PDZRN4: variants seen among roughly 807,000 people sequenced by gnomAD.
PDZRN4 encodes the protein PDZ domain containing ring finger 4, also known as PDZ domain-containing RING finger protein 4.
A neutral mutation model predicts 99.0 loss-of-function variants in PDZRN4; 70 were observed. The observed-to-expected ratio is 0.71, with a 90% CI of 0.58 to 0.86. The LOEUF is 0.86. Ranked by LOEUF, PDZRN4 falls within the 40% of genes least tolerant of loss-of-function variation. The pLI, the probability that PDZRN4 is intolerant of heterozygous loss-of-function variation, is 0.00. For synonymous variants in PDZRN4, 551 were observed against 501.6 expected (o/e 1.10, Z -1.32); for missense variants, 1,474 against 1,331.2 (o/e 1.11, Z -1.67).
At position 41,381,814 on chromosome 12, in the gene PDZRN4, G is replaced by A. The variant is rs147505717; in HGVS notation, c.844-124642G>A. On this transcript the variant is annotated intron_variant, in intron 3 of 9. Coordinates refer to ENST00000402685, the MANE Select transcript of PDZRN4 (RefSeq NM_001164595.2). The stretch of plus-strand genomic sequence containing the variant: ...TTCCTTGATCCCTGCATTGGTATGC[G>A]TACATTTGAGGAAATGGCCACCTCT... Among the ~76,000 whole-genome samples the A allele has an allele frequency of 1.9e-3, 283 of 152,146 alleles. 4 individuals are homozygous for A. The highest frequency in any genetic ancestry group is 5.7e-4 in the Non-Finnish European group (39 of 68,004).
chr12:41,246,088 G>A (rs547521295), intron 3 of PDZRN4, among the ~76,000 whole-genome samples: 3 of 152,260 alleles, frequency 2.0e-5, no homozygotes, highest in East Asian at 1.9e-4. Context: ...GGGTAGACAG[G>A]AGACATGTTC....
At chr12:41,302,431 T>G (rs1951542325) in intron 3 of PDZRN4, among the ~76,000 whole-genome samples, 1 of 152,126 alleles carries the variant, frequency 6.6e-6, no homozygotes, top group Non-Finnish European at 1.5e-5. Flanking sequence ...GTTTTTAAAA[T>G]ACAACATCAA....
intron 3 of PDZRN4, among the ~76,000 whole-genome samples, chr12:41,424,180 G>C (rs1952515010): frequency 6.6e-6 from 1 of 152,126 alleles, no homozygotes; most frequent in Non-Finnish European, 1.5e-5. Context: ...TGCAATATTT[G>C]TTTGCTATGC....
chr12:41,369,858 T>C (rs1364969035), intron 3 of PDZRN4, among the ~76,000 whole-genome samples: 2 of 151,912 alleles, frequency 1.3e-5, no homozygotes, highest in Admixed American at 6.6e-5. Context: ...ACCCCATCAA[T>C]TCTTCTATAC....
At chr12:41,251,439 C>T (rs890959543) in intron 3 of PDZRN4, among the ~76,000 whole-genome samples, 5 of 152,092 alleles carry the variant, frequency 3.3e-5, no homozygotes, top group African/African-American at 1.2e-4. Context: ...TCAATGATTT[C>T]ACCATTCTTC....
At chr12:41,432,975 A>G (rs112119629) in intron 3 of PDZRN4, among the ~76,000 whole-genome samples, 2 of 152,210 alleles carry the variant, frequency 1.3e-5, no homozygotes, top group South Asian at 2.1e-4. Context: ...GCCAAAACCA[A>G]CAAAGTCCCA....
At chr12:41,430,062 C>T (rs1952573651) in intron 3 of PDZRN4, among the ~76,000 whole-genome samples, 1 of 152,086 alleles carries the variant, frequency 6.6e-6, no homozygotes, top group Admixed American at 6.5e-5. Context: ...CGTGACTAGA[C>T]CAAAAGAAAT....
At chr12:41,388,205 A>G (rs1270713084) in intron 3 of PDZRN4, among the ~76,000 whole-genome samples, 2 of 152,104 alleles carry the variant, frequency 1.3e-5, no homozygotes, top group Non-Finnish European at 2.9e-5. Context: ...TGATGAGACC[A>G]CATGGATCAA....
At chr12:41,216,182 C>T (rs1591971589) in intron 3 of PDZRN4, among the ~76,000 whole-genome samples, 1 of 151,932 alleles carries the variant, frequency 6.6e-6, no homozygotes, top group African/African-American at 2.4e-5. Context: ...ACAACGAGTA[C>T]ATTCAAAGTA....
chr12:41,418,258 T>C (rs774437136), intron 3 of PDZRN4, among the ~76,000 whole-genome samples: 1 of 152,192 alleles, frequency 6.6e-6, no homozygotes, highest in Non-Finnish European at 1.5e-5. Context: ...TTGGAAACAT[T>C]GTTTTCATTC....
intron 7 of PDZRN4, among the ~76,000 whole-genome samples, chr12:41,557,710 G>A (rs1939193227): frequency 6.6e-6 from 1 of 151,412 alleles, no homozygotes; most frequent in South Asian, 2.1e-4. Context: ...TGGACCTTCT[G>A]TTAAGGCTCC....
At chr12:41,554,712 G>A (rs1389786887) in intron 6 of PDZRN4, among the ~76,000 whole-genome samples, 3 of 151,966 alleles carry the variant, frequency 2.0e-5, no homozygotes, top group African/African-American at 4.8e-5. Context: ...TCCTAATACA[G>A]CCTTAAATAT....
chr12:41,525,109 G>C (rs1009343755), intron 5 of PDZRN4, among the ~76,000 whole-genome samples: 3 of 152,082 alleles, frequency 2.0e-5, no homozygotes, highest in Non-Finnish European at 2.9e-5. Context: ...AGGGCACATT[G>C]GGTTTCAGAG....
chr12:41,452,297 G>T (rs931021978), intron 3 of PDZRN4, among the ~76,000 whole-genome samples: 1 of 151,416 alleles, frequency 6.6e-6, no homozygotes. Context: ...AAATTAGCCA[G>T]TCGTGGTGGC....
At chr12:41,230,687 T>A (rs2120752827) in intron 3 of PDZRN4, among the ~76,000 whole-genome samples, 1 of 152,272 alleles carries the variant, frequency 6.6e-6, no homozygotes, top group South Asian at 2.1e-4. Flanking sequence ...ATTTCATCTA[T>A]ATCACTGCAC....
At chr12:41,502,246 C>T (rs2120662203) in intron 3 of PDZRN4, among the ~76,000 whole-genome samples, 2 of 152,172 alleles carry the variant, frequency 1.3e-5, no homozygotes, top group South Asian at 4.2e-4. Flanking sequence ...CACTAGTTGC[C>T]CGGTTACAAT....
At chr12:41,418,850 G>C (rs972746956) in intron 3 of PDZRN4, among the ~76,000 whole-genome samples, 1 of 152,090 alleles carries the variant, frequency 6.6e-6, no homozygotes, top group East Asian at 1.9e-4. Context: ...GTGTCAGCTG[G>C]GGGGTAACTG....
chr12:41,573,100 G>C lies in PDZRN4; in HGVS notation c.2321G>C (p.Ser774Thr), dbSNP rs1345567751. Reference sequence around the variant, plus strand: ...CTCACCAATAAGAAAAACCTGAGAAGCACAATGGCAGCCACCCAGTCCTCT... The same window carrying C: ...CTCACCAATAAGAAAAACCTGAGAACCACAATGGCAGCCACCCAGTCCTCT... ...INLTNKKNLR[S>T]TMAATQSSSG... Residue 774 changes from serine (S) to threonine (T), a missense_variant, in exon 10 of 10, where the codon AGC (serine) becomes ACC (threonine). Physicochemically the swap from Ser to Thr is moderately conservative, Grantham distance 58. Transcript: ENST00000402685. 3 of 1,614,072 alleles carry C rather than the reference G, an allele frequency of 1.9e-6. No individual in the cohort carries two copies. Among genetic ancestry groups the C allele is most frequent in the Admixed American group, 3.3e-5 (2 of 60,016 alleles).
chr12:41,402,214 A>G (rs866655802), intron 3 of PDZRN4, among the ~76,000 whole-genome samples: 16 of 85,282 alleles, frequency 1.9e-4, no homozygotes, highest in African/African-American at 1.1e-3. Flanking sequence ...GTATACATAT[A>G]TATACACACA....
Sources: allele counts gnomAD v4.1 joint callset (sites outside exome capture counted in the v4.1 genomes callset), GRCh38; gene constraint gnomAD v4.1.1; transcripts MANE v1.5; gene names NCBI Gene and HGNC (gene_info 2026-07-23, HGNC 2026-07-21).